The following RNF220 variants were observed in gnomAD, a reference collection of about 807,000 sequenced individuals.
RNF220 encodes ring finger protein 220, also known as E3 ubiquitin-protein ligase RNF220.
RNF220 carries 7 observed loss-of-function variants against 67.1 expected under a neutral mutation model. That is an observed-to-expected ratio of 0.10 (90% CI 0.06 to 0.20). The LOEUF is 0.20. RNF220 is among the 10% of genes least tolerant of loss of function. The pLI is 1.00. For missense variants in RNF220, 565 were observed against 740.3 expected, an observed-to-expected ratio of 0.76 and a Z score of 2.75; for synonymous variants, 270 against 283.2, an observed-to-expected ratio of 0.95 and a Z score of 0.47.
At chr1:44,555,106 T>C (rs566081521) in intron 2 of RNF220, among the ~76,000 whole-genome samples, 17 of 152,314 alleles carry the variant, frequency 1.1e-4, no homozygotes, top group African/African-American at 4.1e-4. Context: ...TCTCACTCTG[T>C]TGCCCAGGCT....
intron 2 of RNF220, among the ~76,000 whole-genome samples, chr1:44,599,813 G>T (rs1462492030): frequency 6.6e-6 from 1 of 152,236 alleles, no homozygotes; most frequent in Admixed American, 6.5e-5. Flanking sequence ...CTGGAGAGGG[G>T]CATGTATGAT....
intron 2 of RNF220, among the ~76,000 whole-genome samples, chr1:44,595,857 G>C (rs1463574581): frequency 2.6e-5 from 4 of 151,998 alleles, no homozygotes; most frequent in African/African-American, 9.7e-5. Context: ...TCCACCTCCC[G>C]GGTTCACGCC....
intron 8 of RNF220, among the ~76,000 whole-genome samples, chr1:44,640,645 A>C (rs534088799): frequency 1.3e-5 from 2 of 152,128 alleles, no homozygotes; most frequent in South Asian, 4.2e-4. Context: ...ACACACGCCA[A>C]CTCCCTGCCT....
intron 12 of RNF220, among the ~76,000 whole-genome samples, chr1:44,646,822 G>T (rs1158671495): frequency 2.6e-5 from 4 of 152,186 alleles, no homozygotes; most frequent in African/African-American, 9.7e-5. Flanking sequence ...CACTGGGTCT[G>T]GATCTGCTGA....
intron 7 of RNF220, chr1:44,635,803 T>C (rs1644311677): frequency 7.6e-7 from 1 of 1,320,624 alleles, no homozygotes; most frequent in Non-Finnish European, 1.0e-6. Flanking sequence ...CACTGCTCTC[T>C]CCTTTTGCTT....
At chr1:44,514,494 A>G (rs763621419) in intron 2 of RNF220, among the ~76,000 whole-genome samples, 1 of 152,220 alleles carries the variant, frequency 6.6e-6, no homozygotes, top group South Asian at 2.1e-4. Context: ...GGCTTCCTCC[A>G]TTGTGAGCTT....
At chr1:44,485,931 C>T (rs1224272536) in intron 2 of RNF220, among the ~76,000 whole-genome samples, 3 of 152,170 alleles carry the variant, frequency 2.0e-5, no homozygotes, top group Non-Finnish European at 4.4e-5. Flanking sequence ...TCATTAAAAA[C>T]AAGGCTGTGA....
At chr1:44,540,668 A>G (rs1661603014) in intron 2 of RNF220, among the ~76,000 whole-genome samples, 1 of 152,182 alleles carries the variant, frequency 6.6e-6, no homozygotes, top group Non-Finnish European at 1.5e-5. Flanking sequence ...GATTTTTATT[A>G]GTGACTTAAA....
intron 2 of RNF220, among the ~76,000 whole-genome samples, chr1:44,544,707 C>T (rs1661978133): frequency 6.6e-6 from 1 of 152,266 alleles, no homozygotes; most frequent in African/African-American, 2.4e-5. Flanking sequence ...CCTTGTGGAA[C>T]TTTGCCTTCC....
chr1:44,414,671 G>A (rs1263618258), intron 2 of RNF220, among the ~76,000 whole-genome samples: 1 of 152,108 alleles, frequency 6.6e-6, no homozygotes, highest in Non-Finnish European at 1.5e-5. Context: ...AATTAAATGA[G>A]TCTGTCTCCC....
At chr1:44,553,033 C>G (rs1297560900) in intron 2 of RNF220, among the ~76,000 whole-genome samples, 1 of 152,182 alleles carries the variant, frequency 6.6e-6, no homozygotes, top group Admixed American at 6.5e-5. Context: ...TTTGCACATA[C>G]TGTTCCCTTC....
chr1:44,442,884 A>G (rs896086190), intron 2 of RNF220, among the ~76,000 whole-genome samples: 2 of 152,140 alleles, frequency 1.3e-5, no homozygotes, highest in South Asian at 4.1e-4. Flanking sequence ...ATCTCAGATG[A>G]TAGCACTGTT....
At chr1:44,573,729 G>A (rs1443619686) in intron 2 of RNF220, among the ~76,000 whole-genome samples, 1 of 152,182 alleles carries the variant, frequency 6.6e-6, no homozygotes, top group Non-Finnish European at 1.5e-5. Context: ...ACAAAAAACT[G>A]AGCTTACTAG....
At chr1:44,564,275 CA>C (rs1357854435) in intron 2 of RNF220, among the ~76,000 whole-genome samples, 1 of 152,198 alleles carries the variant, frequency 6.6e-6, no homozygotes, top group African/African-American at 2.4e-5. Context: ...CCGTTGCAAT[CA>C]CCTTCTAACT....
intron 2 of RNF220, among the ~76,000 whole-genome samples, chr1:44,499,935 C>T (rs1657681556): frequency 1.3e-5 from 2 of 152,204 alleles, no homozygotes. Context: ...CTCTGGTCTC[C>T]CACACCATTC....
At chr1:44,410,118 G>A (rs1049776880) in intron 1 of RNF220, among the ~76,000 whole-genome samples, 2 of 151,952 alleles carry the variant, frequency 1.3e-5, no homozygotes, top group Admixed American at 1.3e-4. Flanking sequence ...AGGTGATCTA[G>A]GAAGTAAAAA....
At chr1:44,625,871 T>G (rs1199288096) in intron 4 of RNF220, among the ~76,000 whole-genome samples, 1 of 152,104 alleles carries the variant, frequency 6.6e-6, no homozygotes, top group Non-Finnish European at 1.5e-5. Flanking sequence ...ACATGCTATT[T>G]AATTTACTGT....
intron 2 of RNF220, among the ~76,000 whole-genome samples, chr1:44,451,164 CAG>C (rs1426299572): frequency 4.8e-5 from 7 of 147,028 alleles, no homozygotes; most frequent in Non-Finnish European, 7.4e-5. Flanking sequence ...GCCTGGGCGA[CAG>C]AGTGAGACTC....
intron 2 of RNF220, among the ~76,000 whole-genome samples, chr1:44,578,417 T>G (rs1664988334): frequency 6.6e-6 from 1 of 152,224 alleles, no homozygotes; most frequent in African/African-American, 2.4e-5. Context: ...ATTACAGGCA[T>G]GAGCTACCGC....
Sources: gnomAD v4.1 joint callset for allele counts (sites outside exome capture counted in the v4.1 genomes callset) on GRCh38, gnomAD v4.1.1 for gene constraint, MANE v1.5 for transcripts, NCBI Gene and HGNC (gene_info 2026-07-23, HGNC 2026-07-21) for gene names.